ADAM17: variants seen among roughly 807,000 people sequenced by gnomAD.
The protein encoded by ADAM17 is ADAM metallopeptidase domain 17.
A neutral mutation model predicts 96.7 loss-of-function variants in ADAM17; 39 were observed. The observed-to-expected ratio is 0.40, with a 90% CI of 0.31 to 0.53. The LOEUF (loss-of-function observed/expected upper bound fraction) is 0.53, where lower values mean the gene tolerates loss of function less well. Ranked by LOEUF, ADAM17 falls within the 20% of genes least tolerant of loss-of-function variation. The probability of loss-of-function intolerance (pLI) is 0.44; values close to 1 mark genes in which losing one functional copy is unlikely to be tolerated. For missense variants in ADAM17, 777 were observed against 1,013.2 expected (o/e 0.77, Z 3.17); for synonymous variants, 344 against 359.2 (o/e 0.96, Z 0.48).
chr2:9,490,226 A>G lies in ADAM17; in HGVS notation c.2426T>C (p.Phe809Ser). 1.2e-6 allele frequency: 2 copies of G among 1,606,834 alleles called. No individual in the cohort carries two copies. The highest frequency in any genetic ancestry group is 8.5e-7 in the Non-Finnish European group (1 of 1,173,726). Residue 809 changes from phenylalanine to serine, a missense_variant, in exon 19 of 19, where the codon TTT becomes TCT. By Grantham distance (155) the Phe-to-Ser change is radical (BLOSUM62 -2). Transcript: ENST00000310823. ...AACACGATTCTGACGCTGCAGTTTA[A>G]AGGAGGCAGCCTTTTCACTTCTGGT... ...PVTRSEKAAS[F>S]KLQRQNRVDS... is the part of the protein sequence containing the mutation.
intron 10 of ADAM17, among the ~76,000 whole-genome samples, chr2:9,514,307 T>A (rs1663911521): frequency 8.5e-6 from 1 of 118,056 alleles, no homozygotes. Context: ...AATTGAACAA[T>A]GAGAACACTT....
At chr2:9,519,487 T>C (rs768796370) in intron 8 of ADAM17, among the ~76,000 whole-genome samples, 3 of 152,166 alleles carry the variant, frequency 2.0e-5, no homozygotes, top group Non-Finnish European at 2.9e-5. Flanking sequence ...CAATTCAACC[T>C]CTGCCATCAC....
chr2:9,531,004 T>C (rs930238420), intron 4 of ADAM17, among the ~76,000 whole-genome samples: 38 of 152,270 alleles, frequency 2.5e-4, no homozygotes, highest in African/African-American at 8.4e-4. Context: ...GTCACCCACA[T>C]TGGAGTACAG....
intron 9 of ADAM17, 28 bp downstream of exon 9, chr2:9,518,075 T>C: frequency 6.3e-7 from 1 of 1,576,718 alleles, no homozygotes; most frequent in Non-Finnish European, 8.6e-7. Flanking sequence ...CCCAGCAGCA[T>C]ATTCACACAA....
chr2:9,490,601 A>G (rs1662053592), intron 18 of ADAM17, 83 bp from the exon 19 acceptor site: 2 of 1,367,504 alleles, frequency 1.5e-6, no homozygotes, highest in East Asian at 5.0e-5. Context: ...CCCATCAAAC[A>G]GCCTCTTATT....
At chr2:9,548,725 T>C (rs1665492072) in intron 1 of ADAM17, among the ~76,000 whole-genome samples, 1 of 152,218 alleles carries the variant, frequency 6.6e-6, no homozygotes, top group African/African-American at 2.4e-5. Context: ...AGCCACATAG[T>C]GATTTTCAGC....
intron 1 of ADAM17, among the ~76,000 whole-genome samples, chr2:9,550,845 G>A (rs1476210301): frequency 6.8e-6 from 1 of 146,162 alleles, no homozygotes; most frequent in Non-Finnish European, 1.5e-5. Context: ...ATCACCAGAG[G>A]TCAGGAGTTC....
At chr2:9,492,134 C>T (rs186584928) in intron 17 of ADAM17, among the ~76,000 whole-genome samples, 159 of 152,310 alleles carry the variant, frequency 1.0e-3, no homozygotes, top group Admixed American at 2.2e-3. Flanking sequence ...ACTCCTTTGT[C>T]ATCAGAGTTG....
intron 7 of ADAM17, chr2:9,521,611 ATATT>A (rs1211419911): frequency 6.0e-6 from 1 of 166,292 alleles, no homozygotes; most frequent in African/African-American, 2.4e-5. Context: ...GGAGCCTAAA[ATATT>A]TATTACGACT....
intron 8 of ADAM17, among the ~76,000 whole-genome samples, chr2:9,519,454 C>G (rs931249914): frequency 1.3e-5 from 2 of 152,128 alleles, no homozygotes; most frequent in Non-Finnish European, 2.9e-5. Flanking sequence ...TTCAGCTGTT[C>G]TAGGAGTCAG....
At chr2:9,529,828 G>A (rs1028929733) in intron 4 of ADAM17, among the ~76,000 whole-genome samples, 4 of 151,676 alleles carry the variant, frequency 2.6e-5, no homozygotes, top group African/African-American at 7.3e-5. Flanking sequence ...AAAATCAGCC[G>A]GGCATGGTGG....
chr2:9,504,853 C>T (rs1461554917), intron 12 of ADAM17, among the ~76,000 whole-genome samples: 1 of 151,766 alleles, frequency 6.6e-6, no homozygotes, highest in African/African-American at 2.4e-5. Context: ...TAATGTCACA[C>T]TGCTTTCCAG....
At chr2:9,521,058 G>A (rs1664289138) in intron 8 of ADAM17, 145 bp downstream of exon 8, 1 of 538,882 alleles carries the variant, frequency 1.9e-6, no homozygotes, top group Non-Finnish European at 3.4e-6. Flanking sequence ...TGCTACATGG[G>A]ATGGGGTTAC....
intron 11 of ADAM17, among the ~76,000 whole-genome samples, chr2:9,507,980 G>A (rs1014465221): frequency 6.6e-6 from 1 of 152,172 alleles, no homozygotes; most frequent in Non-Finnish European, 1.5e-5. Flanking sequence ...TCAAAGTGCT[G>A]GGATTACAGG....
At position 9,535,940 on chromosome 2, in the gene ADAM17, A is replaced by G. The variant is rs1664944936; in HGVS notation, c.362-18T>C. On this transcript the variant is annotated intron_variant, in intron 3 of 18. Coordinates refer to ENST00000310823, the MANE Select transcript of ADAM17 (RefSeq NM_003183.6). ...AGGCTCACCTTAAGAGAAAAAAAAAATTATTATTTAAAAATACTTACATCA... is the reference window on the plus strand; with the variant it reads ...AGGCTCACCTTAAGAGAAAAAAAAAGTTATTATTTAAAAATACTTACATCA... The G allele has an allele frequency of 6.9e-7, 1 of 1,443,162 alleles. No homozygotes were observed. The highest frequency in any genetic ancestry group is 9.3e-7 in the Non-Finnish European group (1 of 1,074,950). The allele number at this position is 1,443,162 out of a possible 1,614,324, so 89.4% of individuals were successfully genotyped here.
intron 15 of ADAM17, 54 bp from the exon 16 acceptor site, chr2:9,493,879 A>G: frequency 6.9e-7 from 1 of 1,444,826 alleles, no homozygotes; most frequent in Non-Finnish European, 9.7e-7. Context: ...TGTATTCAGA[A>G]GCAATGTAGC....
Position 9,490,217 on chromosome 2 carries a change from T to C in ADAM17, c.2435A>G (p.Gln812Arg), listed in dbSNP as rs750426388. 8.1e-6 allele frequency: 13 copies of C among 1,601,100 alleles called. No homozygotes were observed. In the East Asian group the frequency reaches 2.9e-4, roughly 36 times the overall value. Residue 812 changes from glutamine (Q) to arginine (R), a missense_variant, in exon 19 of 19, where the codon CAG (glutamine) becomes CGG (arginine). Gln to Arg is a conservative substitution (Grantham distance 43, BLOSUM62 1). Around this residue, in one of 3 missense-constraint regions of ADAM17, gnomAD observed 197 missense variants for 219.4 expected, o/e 0.90. Transcript: ENST00000310823. ...RSEKAASFKL[Q>R]RQNRVDSKET... ...TTTGCTGTCAACACGATTCTGACGCTGCAGTTTAAAGGAGGCAGCCTTTTC... is the reference window on the plus strand; with the variant it reads ...TTTGCTGTCAACACGATTCTGACGCCGCAGTTTAAAGGAGGCAGCCTTTTC...
intron 11 of ADAM17, among the ~76,000 whole-genome samples, chr2:9,506,105 G>C (rs1452595560): frequency 6.6e-6 from 1 of 152,070 alleles, no homozygotes; most frequent in Non-Finnish European, 1.5e-5. Context: ...ATCAAAAAAA[G>C]AAGAGGCTTA....
chr2:9,513,908 GA>G (rs199882319), intron 10 of ADAM17, among the ~76,000 whole-genome samples: 2,360 of 150,738 alleles, frequency 0.016, 61 homozygotes, highest in African/African-American at 0.055. Context: ...CTGCTCAGGA[GA>G]AAGAGGCAGG....
Sources: allele counts gnomAD v4.1 joint callset (sites outside exome capture counted in the v4.1 genomes callset), GRCh38; gene constraint gnomAD v4.1.1; regional missense constraint gnomAD v4.1.1; transcripts MANE v1.5; gene names NCBI Gene and HGNC (gene_info 2026-07-23, HGNC 2026-07-21).